The following ELOVL7 variants were observed in gnomAD, a reference collection of about 807,000 sequenced individuals.
ELOVL7 encodes the protein ELOVL fatty acid elongase 7, also known as very long chain fatty acid elongase 7.
Under a neutral mutation model 35.7 loss-of-function variants are expected in ELOVL7, and 27 were observed. That is an observed-to-expected ratio of 0.76 (90% CI 0.56 to 1.04). The LOEUF (loss-of-function observed/expected upper bound fraction) is 1.04, where lower values mean the gene tolerates loss of function less well. ELOVL7 is among the 50% of genes least tolerant of loss of function. The probability of loss-of-function intolerance (pLI) is 0.00; values close to 1 mark genes in which losing one functional copy is unlikely to be tolerated. For synonymous variants in ELOVL7, 113 were observed against 114.6 expected, an observed-to-expected ratio of 0.99 and a Z score of 0.09; for missense variants, 327 against 340.8, an observed-to-expected ratio of 0.96 and a Z score of 0.32.
At chr5:60,793,171 C>A (rs1378557132) in intron 2 of ELOVL7, among the ~76,000 whole-genome samples, 2 of 152,198 alleles carry the variant, frequency 1.3e-5, no homozygotes. Context: ...CAAGCACCCA[C>A]TGTACCTCTC....
chr5:60,775,448 T>A (rs1742845194), intron 3 of ELOVL7, among the ~76,000 whole-genome samples: 1 of 142,242 alleles, frequency 7.0e-6, no homozygotes, highest in African/African-American at 3.1e-5. Context: ...AAATTACCAA[T>A]GTTATTTTTT....
intron 7 of ELOVL7, 45 bp downstream of exon 7, chr5:60,764,182 A>T: frequency 7.8e-7 from 1 of 1,285,198 alleles, no homozygotes; most frequent in Non-Finnish European, 1.1e-6. Context: ...TTTAGCATAT[A>T]GAAATGTTGT....
chr5:60,767,867 G>T lies in ELOVL7; in HGVS notation c.292C>A (p.Arg98=). Residue 98 remains arginine (R), a synonymous_variant, in exon 5 of 9, where the codon CGA becomes AGA. Transcript: ENST00000508821. ...MSGWGIGYSF[R]CDIVDYSRSP... is the part of the protein sequence containing the mutation. Reference sequence around the variant, plus strand: ...CGTGAATAGTCAACAATGTCACATCGAAATGAATAACCTATACCCCAGCCA... The same window carrying T: ...CGTGAATAGTCAACAATGTCACATCTAAATGAATAACCTATACCCCAGCCA... The T allele has an allele frequency of 1.2e-6, 2 of 1,613,794 alleles. No homozygotes were observed. The highest frequency in any genetic ancestry group is 2.7e-5 in the African/African-American group (2 of 74,990).
At chr5:60,843,538 C>G (rs1468845747) in intron 1 of ELOVL7, 1 of 152,324 alleles carries the variant, frequency 6.6e-6, no homozygotes, top group Admixed American at 6.5e-5. Context: ...GGATGCGGCT[C>G]GGGGAGCCGA....
intron 3 of ELOVL7, among the ~76,000 whole-genome samples, chr5:60,780,523 T>C (rs1018015493): frequency 2.6e-5 from 4 of 152,186 alleles, no homozygotes; most frequent in Admixed American, 2.0e-4. Flanking sequence ...GGTATCCTTA[T>C]AGTAGCGCCC....
intron 1 of ELOVL7, among the ~76,000 whole-genome samples, chr5:60,810,787 A>C (rs1442840625): frequency 1.3e-5 from 2 of 152,156 alleles, no homozygotes; most frequent in East Asian, 1.9e-4. Flanking sequence ...GAATTTTGTA[A>C]GTTCTTGTAG....
chr5:60,830,383 T>C (rs1004729456), intron 1 of ELOVL7, among the ~76,000 whole-genome samples: 1 of 152,150 alleles, frequency 6.6e-6, no homozygotes, highest in Non-Finnish European at 1.5e-5. Flanking sequence ...GGCAGAGGGC[T>C]GCAACAGTAG....
chr5:60,756,997 G>A (rs1170185762), intron 8 of ELOVL7, among the ~76,000 whole-genome samples: 1 of 152,028 alleles, frequency 6.6e-6, no homozygotes, highest in Non-Finnish European at 1.5e-5. Context: ...GCTTATATAA[G>A]GGCAGTATTC....
At chr5:60,794,741 C>T (rs1744146389) in intron 2 of ELOVL7, among the ~76,000 whole-genome samples, 1 of 152,162 alleles carries the variant, frequency 6.6e-6, no homozygotes, top group South Asian at 2.1e-4. Flanking sequence ...CTGGCCTCCC[C>T]ACTGATCTCT....
intron 1 of ELOVL7, among the ~76,000 whole-genome samples, chr5:60,824,987 A>G (rs1746088771): frequency 6.8e-6 from 1 of 146,992 alleles, no homozygotes; most frequent in African/African-American, 2.5e-5. Flanking sequence ...ACAGAGTCTC[A>G]CTCTGTCACC....
At chr5:60,843,723 A>T (rs1261283453) in intron 1 of ELOVL7, among the ~76,000 whole-genome samples, 1 of 152,056 alleles carries the variant, frequency 6.6e-6, no homozygotes, top group Non-Finnish European at 1.5e-5. Context: ...TCTCCCTCCC[A>T]GTCCCGCCGG....
intron 1 of ELOVL7, among the ~76,000 whole-genome samples, chr5:60,819,661 C>T (rs1259497678): frequency 6.6e-6 from 1 of 152,154 alleles, no homozygotes; most frequent in Non-Finnish European, 1.5e-5. Context: ...AGGCGGGCGC[C>T]TGTAATCCTG....
intron 1 of ELOVL7, among the ~76,000 whole-genome samples, chr5:60,821,314 G>A (rs970180117): frequency 6.6e-6 from 1 of 152,114 alleles, no homozygotes; most frequent in Non-Finnish European, 1.5e-5. Context: ...CCTAGGCAGG[G>A]TCTGGCACAT....
At chr5:60,842,693 C>T (rs1445077713) in intron 1 of ELOVL7, among the ~76,000 whole-genome samples, 1 of 152,236 alleles carries the variant, frequency 6.6e-6, no homozygotes. Flanking sequence ...AGCTCCAGTG[C>T]TGGAGACAGA....
chr5:60,833,890 T>C (rs1561475679), intron 1 of ELOVL7, among the ~76,000 whole-genome samples: 1 of 152,144 alleles, frequency 6.6e-6, no homozygotes, highest in Non-Finnish European at 1.5e-5. Flanking sequence ...ATAATTTTAT[T>C]TTTCTCATTT....
chr5:60,826,013 A>G (rs1456571960), intron 1 of ELOVL7, among the ~76,000 whole-genome samples: 1 of 152,248 alleles, frequency 6.6e-6, no homozygotes, highest in African/African-American at 2.4e-5. Flanking sequence ...CAGGCAGGGC[A>G]CATGGACTGA....
chr5:60,804,573 C>G (rs1744823663), intron 1 of ELOVL7, among the ~76,000 whole-genome samples: 1 of 152,182 alleles, frequency 6.6e-6, no homozygotes, highest in Non-Finnish European at 1.5e-5. Flanking sequence ...CTGGGACCAA[C>G]TGGGAAGTCT....
At chr5:60,820,344 C>A (rs1190703133) in intron 1 of ELOVL7, among the ~76,000 whole-genome samples, 1 of 152,152 alleles carries the variant, frequency 6.6e-6, no homozygotes, top group Admixed American at 6.5e-5. Context: ...GAATTCTGAC[C>A]TACAGAACTG....
intron 2 of ELOVL7, among the ~76,000 whole-genome samples, chr5:60,791,190 G>T (rs888512814): frequency 2.0e-5 from 3 of 152,084 alleles, no homozygotes; most frequent in African/African-American, 7.2e-5. Context: ...TGCTCAGGCT[G>T]GTCTCAAACT....
Sources: gnomAD v4.1 joint callset for allele counts (sites outside exome capture counted in the v4.1 genomes callset) on GRCh38, gnomAD v4.1.1 for gene constraint, MANE v1.5 for transcripts, NCBI Gene and HGNC (gene_info 2026-07-23, HGNC 2026-07-21) for gene names.